The following SCUBE2 variants were observed in gnomAD, a reference collection of about 807,000 sequenced individuals.
SCUBE2 encodes the protein signal peptide, CUB domain and EGF like domain containing 2.
A neutral mutation model predicts 125.9 loss-of-function variants in SCUBE2; 114 were observed. The observed-to-expected ratio is 0.91, with a 90% CI of 0.78 to 1.06. SCUBE2 has a LOEUF of 1.06. SCUBE2 is among the 50% of genes least tolerant of loss of function. The pLI is 0.00. For synonymous variants in SCUBE2, 459 were observed against 492.9 expected, an observed-to-expected ratio of 0.93 and a Z score of 0.91; for missense variants, 1,255 against 1,301.8, an observed-to-expected ratio of 0.96 and a Z score of 0.55.
intron 19 of SCUBE2, 89 bp downstream of exon 19, chr11:9,029,795 G>A (rs927988402): frequency 5.7e-6 from 8 of 1,408,096 alleles, no homozygotes; most frequent in Non-Finnish European, 8.0e-6. Flanking sequence ...GTGAACCTGG[G>A]ACCTCTGCCC....
Position 9,021,897 on chromosome 11 carries a change from C to G in SCUBE2, c.2913G>C (p.Glu971Asp), listed in dbSNP as rs1442994336. Residue 971 changes from glutamate (E) to aspartate (D), a missense_variant, in exon 22 of 23, where the codon GAG (glutamate) becomes GAC (aspartate). Transcript: ENST00000649792. Reference sequence around the variant, plus strand: ...TCACCTTAAGTATTTCCTGATGGTTCTCAGATGCATAGAGCCTGCCATCTC... The same window carrying G: ...TCACCTTAAGTATTTCCTGATGGTTGTCAGATGCATAGAGCCTGCCATCTC... The part of the protein sequence containing the change: ...IVRDGRLYAS[E>D]NHQEILKDKK... The G allele has an allele frequency of 1.2e-6, 2 of 1,613,764 alleles. No individual in the cohort carries two copies. The highest frequency in any genetic ancestry group is 1.7e-6 in the Non-Finnish European group (2 of 1,179,696).
chr11:9,021,772 C>T lies in SCUBE2; in HGVS notation c.2934+104G>A, dbSNP rs185397645. 446 of 838,308 alleles carry T rather than the reference C, an allele frequency of 5.3e-4. 1 individual carries two copies. Among genetic ancestry groups the T allele is most frequent in the Non-Finnish European group, 7.5e-4 (371 of 491,802 alleles). The allele number at this position is 838,308 out of a possible 1,614,324, so 51.9% of individuals were successfully genotyped here. On this transcript the variant is annotated intron_variant, in intron 22 of 22. Coordinates refer to ENST00000649792, the MANE Select transcript of SCUBE2 (RefSeq NM_001367977.2). ...ACTGACCTTGGCCCAGGACAGGCTC[C>T]GTGTCTGAAAGGTGGCAACAAGGAG...
At chr11:9,030,670 G>A in intron 18 of SCUBE2, 88 bp downstream of exon 18, 1 of 1,387,076 alleles carries the variant, frequency 7.2e-7, no homozygotes, top group South Asian at 1.3e-5. Context: ...ACTGCATCAG[G>A]CTGGGCTTGA....
Position 9,020,974 on chromosome 11 carries a change from G to T in SCUBE2, c.*71C>A. 1 of 1,405,916 alleles carries T rather than the reference G, an allele frequency of 7.1e-7. No individual in the cohort carries two copies. Among genetic ancestry groups the T allele is most frequent in the Non-Finnish European group, 9.6e-7 (1 of 1,036,564 alleles). The allele number at this position is 1,405,916 out of a possible 1,614,324, so 87.1% of individuals were successfully genotyped here. ...CAGCAATACCCGACTGTGCTGACAT[G>T]CAGAAGGAAGACAGCTCTGTCCCAC... On this transcript the variant is annotated 3_prime_UTR_variant, in exon 23 of 23. Coordinates refer to ENST00000649792, the MANE Select transcript of SCUBE2 (RefSeq NM_001367977.2).
intron 2 of SCUBE2, 46 bp from the exon 3 acceptor site, chr11:9,079,555 A>G: frequency 2.5e-6 from 4 of 1,598,006 alleles, no homozygotes; most frequent in Non-Finnish European, 3.4e-6. Flanking sequence ...TATTTCTTTG[A>G]TGTGAAAACA....
intron 13 of SCUBE2, among the ~76,000 whole-genome samples, chr11:9,051,761 G>T (rs1231420347): frequency 6.6e-6 from 1 of 152,188 alleles, no homozygotes; most frequent in African/African-American, 2.4e-5. Context: ...TTTAAAAAAA[G>T]GAAAATGTTT....
intron 18 of SCUBE2, 37 bp downstream of exon 18, chr11:9,030,721 T>C: frequency 6.3e-7 from 1 of 1,588,358 alleles, no homozygotes; most frequent in Non-Finnish European, 8.6e-7. Context: ...AGAAGGGAAA[T>C]CCAGTCCTAG....
At chr11:9,033,987 G>A (rs139165322) in intron 16 of SCUBE2, among the ~76,000 whole-genome samples, 191 bp from the exon 17 acceptor site, 46 of 151,700 alleles carry the variant, frequency 3.0e-4, no homozygotes, top group Middle Eastern at 3.4e-3. Flanking sequence ...TCATTGCCCC[G>A]TTAGAGGTGT....
rs1373476386 is a variant in SCUBE2 at position 9,055,902 on chromosome 11, A to G, written c.1098T>C (p.Asp366=). Residue 366 remains aspartate, a synonymous_variant, in exon 10 of 23, where the codon GAT becomes GAC. Coordinates refer to ENST00000649792, the MANE Select transcript of SCUBE2 (RefSeq NM_001367977.2). ...CACAGGTCCTATCCAAAGAGCACTC[A>G]TCCACATCTGTAATGGTCAAAGGGA... ...LTDEKSCQDV[D]ECSLDRTCDH... The G allele has an allele frequency of 2.5e-6, 4 of 1,613,964 alleles. No homozygotes were observed. The highest frequency in any genetic ancestry group is 2.5e-6 in the Non-Finnish European group (3 of 1,179,784).
rs1245701708 is a variant in SCUBE2, at chr11:9,047,544, C to T, written c.1814G>A (p.Cys605Tyr). Reference protein sequence around the residue: ...KEVTASCDLSCIVKRTEKRLR... With the variant: ...KEVTASCDLSYIVKRTEKRLR... ...CCGCTTCTCGGTTCGCTTTACGATG[C>T]AGCTCAGGTCACAAGAAGCTACAGA... Residue 605 changes from cysteine to tyrosine, a missense_variant, in exon 16 of 23, where the codon TGC becomes TAC. By Grantham distance (194) the Cys-to-Tyr change is radical (BLOSUM62 -2). Coordinates refer to ENST00000649792, the MANE Select transcript of SCUBE2 (RefSeq NM_001367977.2). 2.5e-6 allele frequency: 4 copies of T among 1,613,808 alleles called. No individual in the cohort carries two copies. The highest frequency in any genetic ancestry group is 2.5e-6 in the Non-Finnish European group (3 of 1,179,982).
Position 9,047,413 on chromosome 11 carries a change from A to G in SCUBE2, c.1945T>C (p.Ser649Pro). The G allele has an allele frequency of 6.2e-7, 1 of 1,614,038 alleles. No homozygotes were observed. The highest frequency in any genetic ancestry group is 8.5e-7 in the Non-Finnish European group (1 of 1,180,024). ...LDVAKKPPRT[S>P]ERQAESCGVG... is the part of the protein sequence containing the mutation. The stretch of plus-strand genomic sequence containing the variant: ...CCACAGGACTCTGCCTGGCGTTCAG[A>G]TGTTCTGGGAGGCTTTTTAGCCACG... The change falls in exon 16 of 23, where the codon TCT (serine) becomes CCT (proline). Residue 649 changes from serine to proline, a missense_variant. By Grantham distance (74) the Ser-to-Pro change is moderately conservative. Coordinates refer to ENST00000649792, the MANE Select transcript of SCUBE2 (RefSeq NM_001367977.2).
At chr11:9,037,820 G>C (rs918923279) in intron 16 of SCUBE2, among the ~76,000 whole-genome samples, 1 of 152,244 alleles carries the variant, frequency 6.6e-6, no homozygotes, top group African/African-American at 2.4e-5. Context: ...AGTTGAGGCA[G>C]AGAAATGAGC....
chr11:9,072,201 G>T (rs112776500), intron 4 of SCUBE2, among the ~76,000 whole-genome samples: 4,956 of 139,508 alleles, frequency 0.036, 254 homozygotes, highest in African/African-American at 0.11. Flanking sequence ...TTTTGTTTTG[G>T]TTTGTTTTGT....
rs528536524 is a variant in SCUBE2, at chr11:9,082,981, AGTT to A, written c.257-3475_257-3473del. On this transcript the variant is annotated intron_variant, in intron 2 of 22. Transcript: ENST00000649792. ...TAGTATGTTAATTACACCTCAGTAA[AGTT>A]GTTAAAAAGTTGCAACTTTTCTGAA... is the stretch of plus-strand genomic sequence containing the variant. 1.4e-4 allele frequency among the ~76,000 whole-genome samples: 21 copies of A among 152,252 alleles called. No individual in the cohort carries two copies. In the South Asian group the frequency reaches 4.4e-3, roughly 32 times the overall value.
chr11:9,044,754 C>G (rs1200910609), intron 16 of SCUBE2, among the ~76,000 whole-genome samples: 1 of 152,140 alleles, frequency 6.6e-6, no homozygotes, highest in Non-Finnish European at 1.5e-5. Context: ...CAGCTCTCAT[C>G]CTTCTGGCCT....
chr11:9,078,973 G>C (rs961225832), intron 3 of SCUBE2, among the ~76,000 whole-genome samples: 1 of 152,134 alleles, frequency 6.6e-6, no homozygotes, highest in African/African-American at 2.4e-5. Flanking sequence ...AAGAAAAAAA[G>C]GGGGGTCTAG....
At chr11:9,084,789 G>T (rs543875133) in intron 2 of SCUBE2, among the ~76,000 whole-genome samples, 1 of 152,320 alleles carries the variant, frequency 6.6e-6, no homozygotes, top group Non-Finnish European at 1.5e-5. Context: ...TGTCACCCAG[G>T]CTGGAGTGCA....
At chr11:9,070,302 G>A (rs892338201) in intron 4 of SCUBE2, among the ~76,000 whole-genome samples, 3 of 152,178 alleles carry the variant, frequency 2.0e-5, no homozygotes, top group African/African-American at 7.2e-5. Flanking sequence ...TGTTCTTGCA[G>A]GGCTCGGCAC....
intron 16 of SCUBE2, 69 bp downstream of exon 16, chr11:9,047,287 C>T: frequency 1.3e-6 from 2 of 1,546,116 alleles, no homozygotes; most frequent in Non-Finnish European, 1.8e-6. Flanking sequence ...CCAGACTTGC[C>T]TTCGGTTACC....
Sources: gnomAD v4.1 joint callset for allele counts (sites outside exome capture counted in the v4.1 genomes callset) on GRCh38, gnomAD v4.1.1 for gene constraint, MANE v1.5 for transcripts, NCBI Gene and HGNC (gene_info 2026-07-23, HGNC 2026-07-21) for gene names.